PIP4K2A: variants seen among roughly 807,000 people sequenced by gnomAD.
PIP4K2A encodes the protein phosphatidylinositol 5-phosphate 4-kinase type-2 alpha.
Under a neutral mutation model 42.9 loss-of-function variants are expected in PIP4K2A, and 14 were observed. The ratio of observed to expected loss-of-function variants is 0.33; its 90% CI spans 0.22 to 0.51. The LOEUF (loss-of-function observed/expected upper bound fraction) is 0.51. PIP4K2A is among the 20% of genes least tolerant of loss of function. PIP4K2A has a pLI of 0.97. For missense variants in PIP4K2A, 434 were observed against 519.8 expected, an observed-to-expected ratio of 0.83 and a Z score of 1.61; for synonymous variants, 192 against 192.2, an observed-to-expected ratio of 1.00 and a Z score of 0.01.
At chr10:22,611,488 C>G (rs780377623) in intron 1 of PIP4K2A, among the ~76,000 whole-genome samples, 15 of 150,474 alleles carry the variant, frequency 1.0e-4, no homozygotes, top group Non-Finnish European at 1.5e-5. Context: ...TACCTAGATA[C>G]GCTGTAGTTA....
At chr10:22,656,314 G>A (rs1839100446) in intron 1 of PIP4K2A, among the ~76,000 whole-genome samples, 1 of 152,154 alleles carries the variant, frequency 6.6e-6, no homozygotes, top group Non-Finnish European at 1.5e-5. Flanking sequence ...GTGGGAGAGG[G>A]GAACTGTGCC....
rs1480400041 is a variant in PIP4K2A, at chr10:22,682,691, T to C, written c.144+31492A>G. ...CTCCAAAACCTCAGAGTATCTGTTC[T>C]TCCATTAAACCTGCCTCACTTGTGA... On this transcript the variant is annotated intron_variant, in intron 1 of 9. Coordinates refer to ENST00000376573, the MANE Select transcript of PIP4K2A (RefSeq NM_005028.5). Among the ~76,000 whole-genome samples, 3 of 152,186 alleles carry C rather than the reference T, an allele frequency of 2.0e-5. No individual in the cohort carries two copies. In the South Asian group the frequency reaches 6.2e-4, roughly 32 times the overall value.
At chr10:22,591,233 C>G (rs766621362) in intron 4 of PIP4K2A, among the ~76,000 whole-genome samples, 6 of 152,342 alleles carry the variant, frequency 3.9e-5, no homozygotes, top group African/African-American at 1.4e-4. Context: ...GACAGAAGAA[C>G]CAGTGACAGC....
At chr10:22,680,905 C>A (rs1588703576) in intron 1 of PIP4K2A, among the ~76,000 whole-genome samples, 2 of 152,140 alleles carry the variant, frequency 1.3e-5, no homozygotes, top group Non-Finnish European at 2.9e-5. Flanking sequence ...CTGGGTCTTC[C>A]TGCATGTAGC....
intron 7 of PIP4K2A, among the ~76,000 whole-genome samples, chr10:22,546,874 AT>A (rs1836269867): frequency 6.6e-6 from 1 of 152,194 alleles, no homozygotes; most frequent in Non-Finnish European, 1.5e-5. Flanking sequence ...AAAACAGTAT[AT>A]ATTTGTTCTT....
chr10:22,641,386 T>C (rs1383913023), intron 1 of PIP4K2A, among the ~76,000 whole-genome samples: 3 of 152,162 alleles, frequency 2.0e-5, no homozygotes, highest in Non-Finnish European at 4.4e-5. Context: ...TAAGAGTGAA[T>C]TTTTGTTCTG....
intron 3 of PIP4K2A, among the ~76,000 whole-genome samples, chr10:22,594,179 G>A (rs1474184999): frequency 6.6e-6 from 1 of 152,124 alleles, no homozygotes; most frequent in Non-Finnish European, 1.5e-5. Context: ...TTTACCCTGT[G>A]TTTTACTGGC....
intron 1 of PIP4K2A, among the ~76,000 whole-genome samples, chr10:22,653,600 A>G (rs1350985321): frequency 6.6e-6 from 1 of 152,202 alleles, no homozygotes; most frequent in African/African-American, 2.4e-5. Context: ...TGCTCAGTCC[A>G]TCCTACGCAC....
At position 22,556,268 on chromosome 10, in the gene PIP4K2A, C is replaced by T. The variant is rs555373189; in HGVS notation, c.679-5496G>A. 2.1e-3 allele frequency among the ~76,000 whole-genome samples: 315 copies of T among 152,170 alleles called. 2 individuals are homozygous for T. The highest frequency in any genetic ancestry group is 6.8e-3 in the Middle Eastern group (2 of 292). Reference sequence around the variant, plus strand: ...TGGCCCGAGGCGCCAACCTCCCTGTCGTGGCGGCTCTAGTTCCCTACACTG... The same window carrying T: ...TGGCCCGAGGCGCCAACCTCCCTGTTGTGGCGGCTCTAGTTCCCTACACTG... On this transcript the variant is annotated intron_variant, in intron 6 of 9. Transcript: ENST00000376573.
intron 1 of PIP4K2A, among the ~76,000 whole-genome samples, chr10:22,694,869 C>G (rs560495262): frequency 6.6e-6 from 1 of 152,248 alleles, no homozygotes; most frequent in South Asian, 2.1e-4. Flanking sequence ...AACTGGAACA[C>G]ATTTTATGAG....
intron 1 of PIP4K2A, among the ~76,000 whole-genome samples, chr10:22,708,050 A>G (rs1190408610): frequency 1.3e-5 from 2 of 152,210 alleles, no homozygotes; most frequent in South Asian, 2.1e-4. Context: ...AAAGAGGGAA[A>G]CAAATCTGGT....
Position 22,647,346 on chromosome 10 carries a change from G to A in PIP4K2A, c.145-37629C>T, listed in dbSNP as rs184962437. On this transcript the variant is annotated intron_variant, in intron 1 of 9. Transcript: ENST00000376573. ...TGTATGTGTGTGTGTGTGTGCACGC[G>A]CGTGTGCGTGTGTTTTCAAGCTCTG... is the stretch of plus-strand genomic sequence containing the variant. Among the ~76,000 whole-genome samples the A allele has an allele frequency of 3.9e-5, 6 of 151,956 alleles. No homozygotes were observed. The South Asian group carries it at 8.3e-4, about 21-fold the overall frequency.
At chr10:22,600,387 CACA>C (rs2130835209) in intron 3 of PIP4K2A, among the ~76,000 whole-genome samples, 1 of 152,104 alleles carries the variant, frequency 6.6e-6, no homozygotes, top group Admixed American at 6.5e-5. Flanking sequence ...CTCACGGTGG[CACA>C]GTAATAGATT....
chr10:22,585,694 G>A (rs1275773396), intron 4 of PIP4K2A, among the ~76,000 whole-genome samples: 1 of 150,988 alleles, frequency 6.6e-6, no homozygotes, highest in African/African-American at 2.4e-5. Context: ...TCTGCCTCCT[G>A]AGTTCAAGGG....
intron 1 of PIP4K2A, among the ~76,000 whole-genome samples, chr10:22,627,077 T>C (rs376210595): frequency 4.0e-5 from 6 of 148,670 alleles, no homozygotes; most frequent in African/African-American, 1.3e-4. Flanking sequence ...TTCTATGTAT[T>C]CTATCAACTA....
intron 3 of PIP4K2A, among the ~76,000 whole-genome samples, chr10:22,594,106 T>C (rs1257768354): frequency 1.3e-5 from 2 of 152,180 alleles, no homozygotes; most frequent in Non-Finnish European, 1.5e-5. Context: ...TTTTCAGAAG[T>C]AGATGCTGCT....
chr10:22,544,941 A>C (rs978788033), intron 7 of PIP4K2A, among the ~76,000 whole-genome samples: 6 of 151,438 alleles, frequency 4.0e-5, no homozygotes, highest in African/African-American at 1.5e-4. Context: ...GGCACCGCAC[A>C]CTCCTCCCCA....
chr10:22,628,715 C>A (rs1838494645), intron 1 of PIP4K2A, among the ~76,000 whole-genome samples: 2 of 152,186 alleles, frequency 1.3e-5, no homozygotes, highest in African/African-American at 4.8e-5. Context: ...TGATTGGCAA[C>A]TGGTTCAAAG....
At chr10:22,638,632 TCTC>T (rs1350419254) in intron 1 of PIP4K2A, among the ~76,000 whole-genome samples, 1 of 152,206 alleles carries the variant, frequency 6.6e-6, no homozygotes, top group African/African-American at 2.4e-5. Context: ...CGGAAATTAT[TCTC>T]CTAGTGAACA....
Sources: allele counts gnomAD v4.1 joint callset (sites outside exome capture counted in the v4.1 genomes callset), GRCh38; gene constraint gnomAD v4.1.1; transcripts MANE v1.5; gene names NCBI Gene and HGNC (gene_info 2026-07-23, HGNC 2026-07-21).